Variants in TMEM74 observed in about 807,000 individuals in gnomAD.
TMEM74 encodes transmembrane protein 74.
TMEM74 carries 13 observed loss-of-function variants against 18.1 expected under a neutral mutation model. The ratio of observed to expected loss-of-function variants is 0.72; its 90% CI spans 0.47 to 1.14. The LOEUF is 1.14. Ranked by LOEUF, TMEM74 falls within the 50% of genes most tolerant of loss-of-function variation. The probability of loss-of-function intolerance (pLI) is 0.00; values close to 1 mark genes in which losing one functional copy is unlikely to be tolerated. For missense variants in TMEM74, 372 were observed against 375.9 expected, an observed-to-expected ratio of 0.99 and a Z score of 0.09; for synonymous variants, 159 against 146.6, an observed-to-expected ratio of 1.08 and a Z score of -0.61.
intron 1 of TMEM74, 45 bp from the exon 2 acceptor site, chr8:108,785,182 G>C: frequency 7.0e-7 from 1 of 1,433,430 alleles, no homozygotes; most frequent in South Asian, 1.4e-5. Flanking sequence ...CAGAAGCTAA[G>C]GTTGTACTTC....
rs1175747711 is a variant in TMEM74, at chr8:108,780,639, A to G, written c.*3542T>C. On this transcript the variant is annotated 3_prime_UTR_variant, in exon 2 of 2. Coordinates refer to ENST00000297459, the MANE Select transcript of TMEM74 (RefSeq NM_153015.3). ...AAACAAATAAGTATGAGGGGGATGAACTCATATTTTAAGCAGACAGCAAAG... is the reference window on the plus strand; with the variant it reads ...AAACAAATAAGTATGAGGGGGATGAGCTCATATTTTAAGCAGACAGCAAAG... Among the ~76,000 whole-genome samples, 1 of 152,106 alleles carries G rather than the reference A, an allele frequency of 6.6e-6. No individual in the cohort carries two copies. Among genetic ancestry groups the G allele is most frequent in the Admixed American group, 6.5e-5 (1 of 15,268 alleles).
chr8:108,683,851 T>C (rs1586259696), intron 1 of TMEM74, among the ~76,000 whole-genome samples: 2 of 152,210 alleles, frequency 1.3e-5, no homozygotes, highest in South Asian at 4.1e-4. Flanking sequence ...GAACATGCAA[T>C]GTTTAACTTT....
chr8:108,699,946 A>G (rs1813319001), intron 1 of TMEM74, among the ~76,000 whole-genome samples: 1 of 152,356 alleles, frequency 6.6e-6, no homozygotes, highest in African/African-American at 2.4e-5. Context: ...AGCATAACAT[A>G]GAGACTTTTT....
intron 2 of TMEM74, among the ~76,000 whole-genome samples, chr8:108,638,029 C>T (rs1812624626): frequency 6.6e-6 from 1 of 152,090 alleles, no homozygotes; most frequent in African/African-American, 2.4e-5. Flanking sequence ...TTTGCAGACA[C>T]ATTCAGCTAA....
intron 1 of TMEM74, among the ~76,000 whole-genome samples, chr8:108,746,282 C>T (rs1481763093): frequency 6.6e-6 from 1 of 152,108 alleles, no homozygotes; most frequent in African/African-American, 2.4e-5. Context: ...TAGAATCACT[C>T]AGCATTTGAA....
intron 1 of TMEM74, among the ~76,000 whole-genome samples, chr8:108,732,113 G>C (rs529135597): frequency 5.3e-5 from 8 of 152,140 alleles, no homozygotes; most frequent in African/African-American, 1.9e-4. Context: ...AAAATGTCTT[G>C]GGCAGTGAAC....
At chr8:108,760,600 G>T (rs1814032975) in intron 1 of TMEM74, among the ~76,000 whole-genome samples, 1 of 151,866 alleles carries the variant, frequency 6.6e-6, no homozygotes, top group Admixed American at 6.6e-5. Context: ...GAGAGCTTCA[G>T]GAAGCTCTCC....
At chr8:108,715,937 G>C (rs1813519101) in intron 1 of TMEM74, among the ~76,000 whole-genome samples, 1 of 151,938 alleles carries the variant, frequency 6.6e-6, no homozygotes, top group African/African-American at 2.4e-5. Flanking sequence ...TTAAGCCATA[G>C]AATACAAGTT....
At chr8:108,742,786 A>G (rs948348669) in intron 1 of TMEM74, among the ~76,000 whole-genome samples, 2 of 152,196 alleles carry the variant, frequency 1.3e-5, no homozygotes, top group Non-Finnish European at 2.9e-5. Flanking sequence ...ATTTTTCACT[A>G]TAAAACAGAC....
chr8:108,620,024 G>T (rs1210720987), intron 2 of TMEM74, among the ~76,000 whole-genome samples: 6 of 151,900 alleles, frequency 3.9e-5, no homozygotes, highest in Non-Finnish European at 7.4e-5. Flanking sequence ...GCATTAGTTT[G>T]TTGGAAAATA....
intron 1 of TMEM74, among the ~76,000 whole-genome samples, chr8:108,664,717 A>T (rs1404718037): frequency 6.6e-6 from 1 of 152,098 alleles, no homozygotes; most frequent in Non-Finnish European, 1.5e-5. Flanking sequence ...AGTGGCCTAC[A>T]GGTATCTGCT....
chr8:108,663,974 G>A (rs1812925508), intron 1 of TMEM74, among the ~76,000 whole-genome samples: 1 of 152,138 alleles, frequency 6.6e-6, no homozygotes, highest in South Asian at 2.1e-4. Context: ...AGCAGAGGGA[G>A]GGAGAGCATT....
chr8:108,718,713 T>C (rs1253940674), intron 1 of TMEM74, among the ~76,000 whole-genome samples: 1 of 152,174 alleles, frequency 6.6e-6, no homozygotes, highest in African/African-American at 2.4e-5. Context: ...AGTCACCTGA[T>C]GTTTCTTTAT....
chr8:108,719,710 G>C (rs778527635), intron 1 of TMEM74, among the ~76,000 whole-genome samples: 1 of 152,028 alleles, frequency 6.6e-6, no homozygotes, highest in African/African-American at 2.4e-5. Context: ...AGAGGCTAGT[G>C]GGGGGTGGGG....
intron 1 of TMEM74, among the ~76,000 whole-genome samples, chr8:108,694,757 C>G (rs1041077328): frequency 2.0e-5 from 3 of 152,270 alleles, no homozygotes; most frequent in East Asian, 1.9e-4. Context: ...AGGATTTGAC[C>G]GTACACAACT....
chr8:108,692,916 G>A (rs773654003), intron 1 of TMEM74, among the ~76,000 whole-genome samples: 1 of 152,002 alleles, frequency 6.6e-6, no homozygotes, highest in South Asian at 2.1e-4. Flanking sequence ...AACTAGACAG[G>A]CAGTAATCCT....
intron 1 of TMEM74, among the ~76,000 whole-genome samples, chr8:108,675,152 T>C (rs1813044116): frequency 6.6e-6 from 1 of 152,196 alleles, no homozygotes; most frequent in South Asian, 2.1e-4. Context: ...TAAGCTCCAG[T>C]TGCCCACTGT....
chr8:108,691,922 A>G (rs918037555), intron 1 of TMEM74, among the ~76,000 whole-genome samples: 1 of 152,014 alleles, frequency 6.6e-6, no homozygotes, highest in Non-Finnish European at 1.5e-5. Flanking sequence ...TGGGCAACAG[A>G]TTTTTTTTAA....
At chr8:108,785,245 C>G (rs1453037997) in intron 1 of TMEM74, 108 bp from the exon 2 acceptor site, 2 of 792,004 alleles carry the variant, frequency 2.5e-6, no homozygotes, top group Non-Finnish European at 3.8e-6. Context: ...ACCTGTTTAG[C>G]CCCTTTTCCA....
Sources: gnomAD v4.1 joint callset for allele counts (sites outside exome capture counted in the v4.1 genomes callset) on GRCh38, gnomAD v4.1.1 for gene constraint, MANE v1.5 for transcripts, NCBI Gene and HGNC (gene_info 2026-07-23, HGNC 2026-07-21) for gene names.